MICAL3: variants seen among roughly 807,000 people sequenced by gnomAD.
The protein encoded by MICAL3 is microtubule associated monooxygenase, calponin and LIM domain containing 3.
In MICAL3, 62 loss-of-function variants were observed where a neutral mutation model predicts 207.4. The ratio of observed to expected loss-of-function variants is 0.30; its 90% CI spans 0.24 to 0.37. MICAL3 has a LOEUF of 0.37. MICAL3 is among the 10% of genes least tolerant of loss of function. The pLI, the probability that MICAL3 is intolerant of heterozygous loss-of-function variation, is 1.00. For missense variants in MICAL3, 2,368 were observed against 2,635.6 expected, an observed-to-expected ratio of 0.90 and a Z score of 2.22; for synonymous variants, 1,077 against 1,069.3, an observed-to-expected ratio of 1.01 and a Z score of -0.14.
chr22:17,845,571 T>G (rs1924545801), intron 19 of MICAL3, among the ~76,000 whole-genome samples: 1 of 151,740 alleles, frequency 6.6e-6, no homozygotes, highest in Admixed American at 6.6e-5. Flanking sequence ...GCATATGGAG[T>G]TAGCCGGCTG....
intron 1 of MICAL3, among the ~76,000 whole-genome samples, chr22:17,965,892 T>C (rs1427362909): frequency 2.0e-5 from 3 of 152,238 alleles, no homozygotes; most frequent in Non-Finnish European, 4.4e-5. Flanking sequence ...CCACATTCTA[T>C]GCCTTTTCAC....
At position 17,985,279 on chromosome 22, in the gene MICAL3, C is replaced by T. The variant is rs1273363230; in HGVS notation, c.-75+39002G>A. Among the ~76,000 whole-genome samples, 42 of 151,486 alleles carry T rather than the reference C, an allele frequency of 2.8e-4. No individual in the cohort carries two copies. The South Asian group carries it at 7.9e-3, about 28-fold the overall frequency. On this transcript the variant is annotated intron_variant, in intron 1 of 31. Transcript: ENST00000441493. ...AGAATGCCCGAGCGTGCTGCGTGCC[C>T]GATTCCCTGCCTCCCTGGTGGGCCG...
intron 1 of MICAL3, among the ~76,000 whole-genome samples, chr22:17,946,783 C>T (rs1934087524): frequency 6.6e-6 from 1 of 152,210 alleles, no homozygotes; most frequent in South Asian, 2.1e-4. Context: ...CAAGTGTGCA[C>T]ATCACAGGAG....
chr22:18,008,015 T>C (rs1602394987), intron 1 of MICAL3, among the ~76,000 whole-genome samples: 1 of 145,846 alleles, frequency 6.9e-6, no homozygotes, highest in South Asian at 2.2e-4. Flanking sequence ...CTGAAGCAGG[T>C]GGATCACTTG....
In MICAL3 at chr22:17,902,011, C is replaced by A; in HGVS notation, c.590-32G>T. 3 of 1,480,670 alleles carry A rather than the reference C, an allele frequency of 2.0e-6. No homozygotes were observed. Among genetic ancestry groups the A allele is most frequent in the Admixed American group, 1.7e-5 (1 of 57,994 alleles). 91.7% of individuals were successfully genotyped at this position (1,480,670 alleles called of 1,614,324 possible). ...ACCAAAACCAAATAAATGGGGGTCA[C>A]CACCCAGACCACATTCACAGCCAGG... On this transcript the variant is annotated intron_variant, in intron 4 of 31. Coordinates refer to ENST00000441493, the MANE Select transcript of MICAL3 (RefSeq NM_015241.3). The surrounding 1 kb of genome is among the most constrained non-coding windows in gnomAD (Gnocchi z 4.5).
At chr22:17,876,308 C>A (rs1928334830) in intron 16 of MICAL3, 1 of 152,240 alleles carries the variant, frequency 6.6e-6, no homozygotes, top group African/African-American at 2.4e-5. Context: ...CCACCAGGTT[C>A]AGAATGAACT....
intron 19 of MICAL3, among the ~76,000 whole-genome samples, chr22:17,842,801 A>G (rs934946185): frequency 2.6e-5 from 4 of 152,282 alleles, no homozygotes; most frequent in African/African-American, 9.6e-5. Flanking sequence ...TTGTGTGCAC[A>G]GGGCGTCACA....
chr22:17,827,901 G>T (rs909710027), intron 21 of MICAL3, 120 bp from the exon 22 acceptor site: 20 of 1,096,702 alleles, frequency 1.8e-5, no homozygotes, highest in Non-Finnish European at 2.6e-5. Context: ...GAATCAGAAA[G>T]AAGTAAAAAT....
At chr22:17,809,166 C>A (rs1440808256) in intron 28 of MICAL3, among the ~76,000 whole-genome samples, 1 of 152,196 alleles carries the variant, frequency 6.6e-6, no homozygotes, top group Non-Finnish European at 1.5e-5. Context: ...AGCGCGTGGA[C>A]GTGACTCAAG....
chr22:17,939,238 T>C (rs1012627286), intron 1 of MICAL3, among the ~76,000 whole-genome samples: 2 of 152,186 alleles, frequency 1.3e-5, no homozygotes, highest in Non-Finnish European at 2.9e-5. Flanking sequence ...AACCTTGGAC[T>C]TCCCAGCCTC....
rs963227534 is a variant in MICAL3 at position 17,818,160 on chromosome 22, G to A, written c.4501C>T (p.Pro1501Ser). The part of the protein sequence containing the change: ...PATWMRPPRE[P>S]AQPPREEVRK... Reference sequence around the variant, plus strand: ...ACCTCCTCTCTGGGGGGCTGAGCAGGCTCCCGGGGGGGCCGCATCCAGGTG... The same window carrying A: ...ACCTCCTCTCTGGGGGGCTGAGCAGACTCCCGGGGGGGCCGCATCCAGGTG... The change falls in exon 26 of 32, where the codon CCT becomes TCT. Residue 1501 changes from proline to serine, a missense_variant. By Grantham distance (74) the Pro-to-Ser change is moderately conservative (BLOSUM62 -1). Transcript: ENST00000441493. The A allele has an allele frequency of 3.1e-6, 5 of 1,599,310 alleles. No homozygotes were observed. The highest frequency in any genetic ancestry group is 2.3e-5 in the East Asian group (1 of 44,404).
At position 17,894,188 on chromosome 22, in the gene MICAL3, G is replaced by C. The variant is rs529248020; in HGVS notation, c.1450-284C>G. 7.2e-5 allele frequency among the ~76,000 whole-genome samples: 11 copies of C among 152,202 alleles called. No individual in the cohort carries two copies. In the South Asian group the frequency reaches 2.3e-3, roughly 32 times the overall value. Reference sequence around the variant, plus strand: ...ATAGTTGGGGAGGCCGAGGCCAGCAGATGGCTTAAGGCTAGGAGTTTGAGA... The same window carrying C: ...ATAGTTGGGGAGGCCGAGGCCAGCACATGGCTTAAGGCTAGGAGTTTGAGA... On this transcript the variant is annotated intron_variant, in intron 10 of 31. Transcript: ENST00000441493.
intron 9 of MICAL3, among the ~76,000 whole-genome samples, 195 bp from the exon 10 acceptor site, chr22:17,895,605 G>A (rs1049216855): frequency 5.3e-5 from 8 of 151,910 alleles, no homozygotes; most frequent in African/African-American, 1.9e-4. Context: ...GGAACCGACC[G>A]GGTAAGAGCC....
chr22:17,929,198 A>G (rs192800640), intron 1 of MICAL3, among the ~76,000 whole-genome samples: 4 of 151,018 alleles, frequency 2.6e-5, no homozygotes, highest in African/African-American at 9.7e-5. Flanking sequence ...TCCTGGGTCA[A>G]ACAATTCCCC....
At chr22:17,825,771 G>C (rs1237342953) in intron 22 of MICAL3, among the ~76,000 whole-genome samples, 1 of 152,200 alleles carries the variant, frequency 6.6e-6, no homozygotes, top group Admixed American at 6.5e-5. Context: ...CAAGGGCCGA[G>C]GCCAAGAATG....
intron 28 of MICAL3, among the ~76,000 whole-genome samples, chr22:17,810,272 C>T (rs924870168): frequency 1.1e-4 from 16 of 152,032 alleles, no homozygotes; most frequent in East Asian, 3.9e-4. Flanking sequence ...ACCGTGTTAG[C>T]CAGGATGGTC....
At chr22:17,823,749 T>C (rs948337987) in intron 22 of MICAL3, among the ~76,000 whole-genome samples, 2 of 152,236 alleles carry the variant, frequency 1.3e-5, no homozygotes, top group Admixed American at 6.5e-5. Context: ...TATGCAGAGA[T>C]TACAACATCC....
chr22:17,827,686 C>G lies in MICAL3; in HGVS notation c.3151G>C (p.Glu1051Gln), dbSNP rs773016318. 5 of 1,583,224 alleles carry G rather than the reference C, an allele frequency of 3.2e-6. No individual in the cohort carries two copies. In the South Asian group the frequency reaches 5.8e-5, roughly 18 times the overall value. The stretch of plus-strand genomic sequence containing the variant: ...TCAGAGGCCGGCGCCATCCTCTCTT[C>G]CTCCTCTCTCTCACGGATATGAGTC... Reference protein sequence around the residue: ...HWTHIREREEEERMAPASESS... With the variant: ...HWTHIREREEQERMAPASESS... Residue 1051 changes from glutamate (E) to glutamine (Q), a missense_variant, in exon 22 of 32, where the codon GAA (glutamate) becomes CAA (glutamine). Glu to Gln is a conservative substitution (Grantham distance 29, BLOSUM62 2). Coordinates refer to ENST00000441493, the MANE Select transcript of MICAL3 (RefSeq NM_015241.3).
intron 16 of MICAL3, chr22:17,875,651 C>T: frequency 2.3e-6 from 1 of 431,940 alleles, no homozygotes; most frequent in Non-Finnish European, 4.1e-6. Context: ...GAGCCTTTTA[C>T]TCTAGACCTT....
Sources: gnomAD v4.1 joint callset for allele counts (sites outside exome capture counted in the v4.1 genomes callset) on GRCh38, gnomAD v4.1.1 for gene constraint, Gnocchi (gnomAD v3.1) non-coding constraint, MANE v1.5 for transcripts, NCBI Gene and HGNC (gene_info 2026-07-23, HGNC 2026-07-21) for gene names.